The following SMAP1 variants were observed in gnomAD, a reference collection of about 807,000 sequenced individuals.
SMAP1 encodes the protein small ArfGAP 1.
Under a neutral mutation model 58.5 loss-of-function variants are expected in SMAP1, and 24 were observed. The ratio of observed to expected loss-of-function variants is 0.41; its 90% CI spans 0.30 to 0.58. The LOEUF is 0.58. SMAP1 is among the 20% of genes least tolerant of loss of function. The pLI is 0.29. For missense variants in SMAP1, 563 were observed against 566.3 expected, an observed-to-expected ratio of 0.99 and a Z score of 0.06; for synonymous variants, 216 against 196.6, an observed-to-expected ratio of 1.10 and a Z score of -0.82.
chr6:70,855,662 T>C (rs1024108162), intron 8 of SMAP1, among the ~76,000 whole-genome samples: 3 of 152,198 alleles, frequency 2.0e-5, no homozygotes, highest in Admixed American at 6.5e-5. Flanking sequence ...CCCAAGTTTA[T>C]AGGAGAGAGA....
intron 1 of SMAP1, among the ~76,000 whole-genome samples, chr6:70,680,773 C>T (rs1178902372): frequency 8.2e-6 from 1 of 122,000 alleles, no homozygotes; most frequent in Non-Finnish European, 1.6e-5. Flanking sequence ...GGCTGGAGTG[C>T]AGTGGTATGA....
At chr6:70,682,902 G>A (rs1460567059) in intron 1 of SMAP1, among the ~76,000 whole-genome samples, 1 of 152,048 alleles carries the variant, frequency 6.6e-6, no homozygotes, top group African/African-American at 2.4e-5. Context: ...GCCAGGCGTG[G>A]TGACACGTGC....
At chr6:70,786,580 T>G (rs1209145162) in intron 4 of SMAP1, among the ~76,000 whole-genome samples, 2 of 151,722 alleles carry the variant, frequency 1.3e-5, no homozygotes, top group Non-Finnish European at 2.9e-5. Context: ...AAAATCTCCT[T>G]AAGCTGATAA....
intron 3 of SMAP1, among the ~76,000 whole-genome samples, chr6:70,766,953 C>G (rs1470262246): frequency 2.6e-4 from 39 of 152,066 alleles, no homozygotes; most frequent in Non-Finnish European, 4.4e-4. Context: ...CCAGTTTCAG[C>G]TTTCTACATA....
At chr6:70,712,794 T>C (rs1291334394) in intron 1 of SMAP1, among the ~76,000 whole-genome samples, 1 of 144,118 alleles carries the variant, frequency 6.9e-6, no homozygotes, top group African/African-American at 2.5e-5. Context: ...CTTTTTTTCT[T>C]TTCTTTTTTT....
chr6:70,697,788 A>G (rs923116901), intron 1 of SMAP1, among the ~76,000 whole-genome samples: 1 of 152,192 alleles, frequency 6.6e-6, no homozygotes, highest in Non-Finnish European at 1.5e-5. Flanking sequence ...GCAAAGAGAA[A>G]ACTAATAAAA....
chr6:70,844,849 G>C (rs1770928934), intron 7 of SMAP1, among the ~76,000 whole-genome samples: 1 of 152,110 alleles, frequency 6.6e-6, no homozygotes, highest in Admixed American at 6.5e-5. Flanking sequence ...ATGGCTTATT[G>C]AGTAGAAAAT....
Position 70,678,956 on chromosome 6 carries a change from G to A in SMAP1, c.118+10815G>A, listed in dbSNP as rs150106499. 1.8e-3 allele frequency among the ~76,000 whole-genome samples: 275 copies of A among 152,044 alleles called. 1 individual carries two copies. The highest frequency in any genetic ancestry group is 6.0e-3 in the African/African-American group (249 of 41,474). On this transcript the variant is annotated intron_variant, in intron 1 of 10. Transcript: ENST00000370455. ...AAGGATAGAACAGGACTTCTTTGGG[G>A]GCCATTATTCTGCCTAACAAAGTGG...
At chr6:70,787,363 C>T (rs1272749542) in intron 4 of SMAP1, among the ~76,000 whole-genome samples, 1 of 152,154 alleles carries the variant, frequency 6.6e-6, no homozygotes, top group East Asian at 1.9e-4. Context: ...AAAACCTAGG[C>T]AATACCATTC....
intron 2 of SMAP1, among the ~76,000 whole-genome samples, chr6:70,753,994 A>G (rs1358101213): frequency 6.6e-6 from 1 of 152,096 alleles, no homozygotes; most frequent in Admixed American, 6.6e-5. Flanking sequence ...GTTTGAAGAA[A>G]GATAGTTCTG....
chr6:70,788,634 G>T (rs1394476478), intron 4 of SMAP1, among the ~76,000 whole-genome samples: 2 of 152,080 alleles, frequency 1.3e-5, no homozygotes, highest in African/African-American at 4.8e-5. Flanking sequence ...GAAGAAGAGG[G>T]ACTAGCAAGA....
chr6:70,728,296 G>A (rs1765271281), intron 1 of SMAP1, among the ~76,000 whole-genome samples: 1 of 152,116 alleles, frequency 6.6e-6, no homozygotes, highest in African/African-American at 2.4e-5. Flanking sequence ...TATCATTTCT[G>A]TTTACATTCT....
intron 2 of SMAP1, among the ~76,000 whole-genome samples, chr6:70,754,177 T>C (rs1018200949): frequency 2.0e-5 from 3 of 152,128 alleles, no homozygotes; most frequent in Non-Finnish European, 2.9e-5. Flanking sequence ...TCTGTGTAAA[T>C]GATGTCATAT....
intron 5 of SMAP1, among the ~76,000 whole-genome samples, chr6:70,795,213 G>A (rs964479516): frequency 1.3e-5 from 2 of 152,126 alleles, no homozygotes; most frequent in Non-Finnish European, 2.9e-5. Flanking sequence ...TGTAGCAAGC[G>A]AATTTGATTT....
chr6:70,786,983 C>T (rs898034710), intron 4 of SMAP1, among the ~76,000 whole-genome samples: 1 of 152,136 alleles, frequency 6.6e-6, no homozygotes, highest in African/African-American at 2.4e-5. Flanking sequence ...AAAGAGCCCG[C>T]ATCGCCAAGT....
intron 1 of SMAP1, among the ~76,000 whole-genome samples, chr6:70,715,103 C>CTTTTTTTTTTTTTTTT (rs34027498): frequency 9.2e-6 from 1 of 108,892 alleles, no homozygotes; most frequent in Non-Finnish European, 1.8e-5. Context: ...TTTTTTTTTC[C>CTTTTTTTTTTTTTTTT]TTTTTTTTTT....
At chr6:70,822,439 A>G (rs1409226558) in intron 6 of SMAP1, among the ~76,000 whole-genome samples, 1 of 152,128 alleles carries the variant, frequency 6.6e-6, no homozygotes, top group East Asian at 1.9e-4. Flanking sequence ...CTGTGCTGAG[A>G]ATTGAATATG....
At chr6:70,731,940 C>A (rs1442115248) in intron 1 of SMAP1, among the ~76,000 whole-genome samples, 1 of 152,046 alleles carries the variant, frequency 6.6e-6, no homozygotes, top group Non-Finnish European at 1.5e-5. Context: ...TTGCTTATTT[C>A]GCATTGGGCT....
At chr6:70,752,065 A>G (rs1766301350) in intron 2 of SMAP1, among the ~76,000 whole-genome samples, 1 of 152,224 alleles carries the variant, frequency 6.6e-6, no homozygotes. Flanking sequence ...TAACACTTAT[A>G]GCATCTTCTG....
Sources: gnomAD v4.1 joint callset for allele counts (sites outside exome capture counted in the v4.1 genomes callset) on GRCh38, gnomAD v4.1.1 for gene constraint, MANE v1.5 for transcripts, NCBI Gene and HGNC (gene_info 2026-07-23, HGNC 2026-07-21) for gene names.